Variants in GLIS1 observed in about 807,000 individuals in gnomAD.
GLIS1 encodes GLIS family zinc finger 1, also known as zinc finger protein GLIS1.
In GLIS1, 24 loss-of-function variants were observed where a neutral mutation model predicts 63.8. The observed-to-expected ratio is 0.38, with a 90% CI of 0.27 to 0.53. GLIS1 has a LOEUF of 0.53. Among genes scored for constraint, GLIS1 ranks in the 20% least tolerant of loss-of-function variants. GLIS1 has a pLI of 0.85. For missense variants in GLIS1, 1,036 were observed against 1,074.1 expected, an observed-to-expected ratio of 0.96 and a Z score of 0.50; for synonymous variants, 450 against 482.5, an observed-to-expected ratio of 0.93 and a Z score of 0.88.
At chr1:53,586,252 C>T (rs1243081887) in intron 4 of GLIS1, among the ~76,000 whole-genome samples, 1 of 150,884 alleles carries the variant, frequency 6.6e-6, no homozygotes, top group East Asian at 1.9e-4. Flanking sequence ...AGCTAAACCT[C>T]GGGCTCAAGA....
intron 2 of GLIS1, among the ~76,000 whole-genome samples, chr1:53,654,693 C>T (rs950367029): frequency 6.6e-6 from 1 of 152,080 alleles, no homozygotes; most frequent in African/African-American, 2.4e-5. Context: ...GGGAGCGAGC[C>T]CTGGCAAATG....
intron 4 of GLIS1, among the ~76,000 whole-genome samples, chr1:53,563,954 C>CT (rs1644914105): frequency 6.6e-6 from 1 of 152,166 alleles, no homozygotes; most frequent in South Asian, 2.1e-4. Context: ...TTCTATCTAT[C>CT]TTTCAAAATG....
intron 2 of GLIS1, among the ~76,000 whole-genome samples, chr1:53,683,564 C>T (rs1646299582): frequency 6.6e-6 from 1 of 152,172 alleles, no homozygotes; most frequent in Admixed American, 6.5e-5. Context: ...AGATCATCCA[C>T]ATAAATCAGC....
chr1:53,711,918 T>C (rs1265230618), intron 2 of GLIS1, among the ~76,000 whole-genome samples: 1 of 152,148 alleles, frequency 6.6e-6, no homozygotes, highest in Non-Finnish European at 1.5e-5. Context: ...GGCCTGATGA[T>C]CCCTACAGGC....
rs751373124 is a variant in GLIS1 at position 53,524,851 on chromosome 1, G to A, written c.1519C>T (p.Arg507Cys). 15 of 1,613,230 alleles carry A rather than the reference G, an allele frequency of 9.3e-6. No individual in the cohort carries two copies. The highest frequency in any genetic ancestry group is 4.0e-5 in the African/African-American group (3 of 74,936). Residue 507 changes from arginine (R) to cysteine (C), a missense_variant, in exon 6 of 11, where the codon CGC becomes TGC. This residue lies in a region of GLIS1 where 400 missense variants were observed against 400.9 expected (regional missense o/e 1.00). Coordinates refer to ENST00000628545, the MANE Select transcript of GLIS1 (RefSeq NM_001367484.1). ...YACQIPGCSK[R>C]YTDPSSLRKH... ...CGGAGGGAGCTGGGGTCTGTGTAGC[G>A]CTTGGAGCAGCCAGGGATCTGACAG...
chr1:53,557,195 T>A (rs910551189), intron 4 of GLIS1, among the ~76,000 whole-genome samples: 3 of 152,128 alleles, frequency 2.0e-5, no homozygotes, highest in Admixed American at 6.5e-5. Flanking sequence ...TGGCTGGGAC[T>A]GGAATGAAGT....
chr1:53,569,780 T>G (rs1644967526), intron 4 of GLIS1, among the ~76,000 whole-genome samples: 1 of 152,014 alleles, frequency 6.6e-6, no homozygotes, highest in African/African-American at 2.4e-5. Flanking sequence ...AAAAAGCGAT[T>G]TTATTTCTAT....
At chr1:53,582,359 C>T (rs1184620755) in intron 4 of GLIS1, among the ~76,000 whole-genome samples, 1 of 152,234 alleles carries the variant, frequency 6.6e-6, no homozygotes, top group Non-Finnish European at 1.5e-5. Context: ...ACATTTGAAA[C>T]TGGTTAAAGT....
chr1:53,684,143 C>T (rs1396060948), intron 2 of GLIS1, among the ~76,000 whole-genome samples: 5 of 152,028 alleles, frequency 3.3e-5, no homozygotes, highest in African/African-American at 1.2e-4. Context: ...TGGGGGTGTC[C>T]ATGTCTCCCT....
At chr1:53,603,816 G>T (rs941374168) in intron 2 of GLIS1, among the ~76,000 whole-genome samples, 1 of 152,260 alleles carries the variant, frequency 6.6e-6, no homozygotes, top group African/African-American at 2.4e-5. Context: ...CAGGGTGATG[G>T]AGTCCTGTGT....
At chr1:53,628,310 T>C (rs1414748185) in intron 2 of GLIS1, among the ~76,000 whole-genome samples, 1 of 152,170 alleles carries the variant, frequency 6.6e-6, no homozygotes, top group Non-Finnish European at 1.5e-5. Flanking sequence ...CCTCAATAGA[T>C]TTGACCTTAT....
At chr1:53,682,830 G>A (rs1347547484) in intron 2 of GLIS1, among the ~76,000 whole-genome samples, 1 of 152,186 alleles carries the variant, frequency 6.6e-6, no homozygotes, top group East Asian at 1.9e-4. Flanking sequence ...ACTGTATGAT[G>A]AGCTAAACAG....
chr1:53,560,679 C>T lies in GLIS1; in HGVS notation c.1321-30727G>A, dbSNP rs967509368. On this transcript the variant is annotated intron_variant, in intron 4 of 10. Transcript: ENST00000628545. The surrounding 1 kb of genome is among the most constrained non-coding windows in gnomAD (Gnocchi z 4.4). ...AACACTTGTTGCGGGCCGTGTGTCC[C>T]GCAATGTTCTAGGCACTGGGGCAGC... Among the ~76,000 whole-genome samples the T allele has an allele frequency of 1.3e-5, 2 of 152,174 alleles. No homozygotes were observed. The highest frequency in any genetic ancestry group is 2.1e-4 in the South Asian group (1 of 4,822).
At chr1:53,533,471 G>T (rs1040878595) in intron 4 of GLIS1, among the ~76,000 whole-genome samples, 1 of 152,236 alleles carries the variant, frequency 6.6e-6, no homozygotes, top group Non-Finnish European at 1.5e-5. Context: ...GCCCATGTAT[G>T]TTGGCCCAGC....
chr1:53,664,484 A>AT (rs2100373391), intron 2 of GLIS1, among the ~76,000 whole-genome samples: 1 of 152,388 alleles, frequency 6.6e-6, no homozygotes, highest in Admixed American at 6.5e-5. Context: ...GCAGACAACC[A>AT]TAACAATGGA....
At chr1:53,685,217 A>T (rs7518284) in intron 2 of GLIS1, among the ~76,000 whole-genome samples, 34,138 of 152,060 alleles carry the variant, frequency 0.22, 3,910 homozygotes, top group East Asian at 0.3. Context: ...CCCCATCCAG[A>T]GGCCACAGAG....
In GLIS1 at chr1:53,543,821, G is replaced by C. The variant is rs554996506; in HGVS notation, c.1321-13869C>G. Among the ~76,000 whole-genome samples the C allele has an allele frequency of 2.6e-5, 4 of 152,144 alleles. No individual in the cohort carries two copies. In the East Asian group the frequency reaches 7.7e-4, roughly 29 times the overall value. On this transcript the variant is annotated intron_variant, in intron 4 of 10. Coordinates refer to ENST00000628545, the MANE Select transcript of GLIS1 (RefSeq NM_001367484.1). ...CTGAGAGGGAAGTGGTCATCTGCCG[G>C]CCAGGCAGGCCATCCGGCTCTCACA... is the stretch of plus-strand genomic sequence containing the variant.
chr1:53,544,391 C>G (rs995046817), intron 4 of GLIS1, among the ~76,000 whole-genome samples: 1 of 152,170 alleles, frequency 6.6e-6, no homozygotes, highest in Non-Finnish European at 1.5e-5. Context: ...GGCCTTCGGG[C>G]AGCTCACTTG....
intron 2 of GLIS1, among the ~76,000 whole-genome samples, chr1:53,663,899 A>G (rs574619215): frequency 2.9e-4 from 44 of 152,226 alleles, no homozygotes; most frequent in Non-Finnish European, 5.6e-4. Context: ...GGCTCCTCTG[A>G]TGTGGCTCCA....
Sources: allele counts gnomAD v4.1 joint callset (sites outside exome capture counted in the v4.1 genomes callset), GRCh38; gene constraint gnomAD v4.1.1; regional missense constraint gnomAD v4.1.1; non-coding constraint Gnocchi (gnomAD v3.1); transcripts MANE v1.5; gene names NCBI Gene and HGNC (gene_info 2026-07-23, HGNC 2026-07-21).